ABCC9: variants seen among roughly 807,000 people sequenced by gnomAD.
The protein encoded by ABCC9 is ATP-binding cassette sub-family C member 9.
A neutral mutation model predicts 188.3 loss-of-function variants in ABCC9; 95 were observed. That is an observed-to-expected ratio of 0.50 (90% CI 0.43 to 0.60). The LOEUF (loss-of-function observed/expected upper bound fraction) is 0.60. Among genes scored for constraint, ABCC9 ranks in the 20% least tolerant of loss-of-function variants. The pLI, the probability that ABCC9 is intolerant of heterozygous loss-of-function variation, is 0.00. For synonymous variants in ABCC9, 659 were observed against 652.7 expected, an observed-to-expected ratio of 1.01 and a Z score of -0.15; for missense variants, 1,102 against 1,876.3, an observed-to-expected ratio of 0.59 and a Z score of 7.62.
At chr12:21,857,272 G>A (rs996153757) in intron 22 of ABCC9, among the ~76,000 whole-genome samples, 2 of 152,092 alleles carry the variant, frequency 1.3e-5, no homozygotes, top group African/African-American at 4.8e-5. Context: ...TACAAAATAT[G>A]TTATTTGTGG....
chr12:21,829,353 C>T (rs575251596), intron 30 of ABCC9, among the ~76,000 whole-genome samples: 21 of 151,992 alleles, frequency 1.4e-4, no homozygotes, highest in South Asian at 6.2e-4. Flanking sequence ...AGGCACCCGC[C>T]ACCATGCCCG....
At chr12:21,848,327 AT>A in intron 24 of ABCC9, 81 bp from the exon 25 acceptor site, 1 of 1,236,028 alleles carries the variant, frequency 8.1e-7, no homozygotes, top group Non-Finnish European at 1.2e-6. Context: ...ACACGTGTAA[AT>A]GGTTAGTTAC....
intron 5 of ABCC9, among the ~76,000 whole-genome samples, chr12:21,918,191 C>T (rs1432494996): frequency 1.3e-5 from 2 of 151,956 alleles, no homozygotes; most frequent in Admixed American, 6.6e-5. Flanking sequence ...GACTTCAAGA[C>T]AATTATTATC....
At chr12:21,938,027 CT>C (rs1949561946) in intron 2 of ABCC9, 1 of 152,132 alleles carries the variant, frequency 6.6e-6, no homozygotes, top group African/African-American at 2.4e-5. Flanking sequence ...CCTTTTCTTT[CT>C]TTCCTTTCAT....
chr12:21,854,930 C>T (rs1286774203), intron 22 of ABCC9, among the ~76,000 whole-genome samples: 1 of 152,124 alleles, frequency 6.6e-6, no homozygotes, highest in Admixed American at 6.5e-5. Context: ...CCATTTCCAT[C>T]ACCAACAATG....
intron 22 of ABCC9, among the ~76,000 whole-genome samples, chr12:21,855,807 G>T (rs980838151): frequency 1.3e-5 from 2 of 152,046 alleles, no homozygotes; most frequent in African/African-American, 2.4e-5. Flanking sequence ...GATTAATATT[G>T]TGCTTACCCC....
chr12:21,871,324 G>C (rs1388308753), intron 18 of ABCC9, among the ~76,000 whole-genome samples: 1 of 152,156 alleles, frequency 6.6e-6, no homozygotes, highest in Admixed American at 6.6e-5. Context: ...AGGTAGCAAT[G>C]TTTCACTGAG....
intron 5 of ABCC9, chr12:21,925,495 A>G: frequency 1.4e-6 from 1 of 702,668 alleles, no homozygotes; most frequent in South Asian, 1.5e-5. Flanking sequence ...CCACAGCATC[A>G]GTGAAAGGCT....
At chr12:21,817,986 C>G (rs923254194) in intron 32 of ABCC9, among the ~76,000 whole-genome samples, 164 bp downstream of exon 32, 3 of 151,726 alleles carry the variant, frequency 2.0e-5, no homozygotes, top group African/African-American at 7.3e-5. Flanking sequence ...CACCTATTGA[C>G]CCACCCTCTA....
At chr12:21,899,582 G>A (rs1258836953) in intron 12 of ABCC9, among the ~76,000 whole-genome samples, 1 of 152,146 alleles carries the variant, frequency 6.6e-6, no homozygotes, top group Non-Finnish European at 1.5e-5. Context: ...TGTGACAGAC[G>A]GCACCTGGAA....
At chr12:21,819,754 A>G (rs1468592227) in intron 31 of ABCC9, among the ~76,000 whole-genome samples, 1 of 152,236 alleles carries the variant, frequency 6.6e-6, no homozygotes, top group Non-Finnish European at 1.5e-5. Context: ...ATGCATCATA[A>G]AACATCAAAG....
intron 14 of ABCC9, among the ~76,000 whole-genome samples, chr12:21,891,707 C>A (rs1379841613): frequency 1.3e-5 from 2 of 152,158 alleles, no homozygotes; most frequent in Admixed American, 6.5e-5. Flanking sequence ...TGCTTTATCC[C>A]ATTCTAACCC....
intron 15 of ABCC9, among the ~76,000 whole-genome samples, chr12:21,885,964 G>A (rs192851922): frequency 6.6e-6 from 1 of 151,834 alleles, no homozygotes; most frequent in East Asian, 1.9e-4. Flanking sequence ...TGATTGTGTT[G>A]GTTCACATAA....
At chr12:21,855,574 T>C (rs1945181507) in intron 22 of ABCC9, among the ~76,000 whole-genome samples, 1 of 152,260 alleles carries the variant, frequency 6.6e-6, no homozygotes, top group South Asian at 2.1e-4. Context: ...GAAAGTCCAT[T>C]ATCTCTAAAT....
chr12:21,927,347 G>A (rs1052718657), intron 4 of ABCC9, among the ~76,000 whole-genome samples: 1 of 152,190 alleles, frequency 6.6e-6, no homozygotes, highest in Non-Finnish European at 1.5e-5. Context: ...AAGGAAGTTG[G>A]TTGGTAATAC....
chr12:21,816,566 A>C (rs1262232514), intron 33 of ABCC9, among the ~76,000 whole-genome samples: 1 of 152,170 alleles, frequency 6.6e-6, no homozygotes, highest in East Asian at 1.9e-4. Context: ...AAAGAGGAAA[A>C]GAAAGCCTAG....
intron 11 of ABCC9, among the ~76,000 whole-genome samples, chr12:21,907,822 C>T (rs1565472015): frequency 6.6e-6 from 1 of 151,966 alleles, no homozygotes; most frequent in Non-Finnish European, 1.5e-5. Flanking sequence ...AAAGCCTTAT[C>T]ACCTCATGGT....
intron 14 of ABCC9, among the ~76,000 whole-genome samples, chr12:21,893,682 A>G (rs1328206155): frequency 6.6e-6 from 1 of 152,188 alleles, no homozygotes; most frequent in Non-Finnish European, 1.5e-5. Context: ...AAATAGAAAC[A>G]TTCTAAATGT....
intron 28 of ABCC9, 47 bp from the exon 29 acceptor site, chr12:21,842,518 T>C (rs777129642): frequency 6.3e-7 from 1 of 1,587,218 alleles, no homozygotes; most frequent in South Asian, 1.1e-5. Context: ...CAGTGAAATA[T>C]TGGCTGCAAT....
Sources: allele counts gnomAD v4.1 joint callset (sites outside exome capture counted in the v4.1 genomes callset), GRCh38; gene constraint gnomAD v4.1.1; transcripts MANE v1.5; gene names NCBI Gene and HGNC (gene_info 2026-07-23, HGNC 2026-07-21).